The following WWP2 variants were observed in gnomAD, a reference collection of about 807,000 sequenced individuals.
The protein encoded by WWP2 is WW domain containing E3 ubiquitin protein ligase 2.
In WWP2, 57 loss-of-function variants were observed where a neutral mutation model predicts 121.0. That is an observed-to-expected ratio of 0.47 (90% CI 0.38 to 0.59). The LOEUF is 0.59. Ranked by LOEUF, WWP2 falls within the 20% of genes least tolerant of loss-of-function variation. The probability of loss-of-function intolerance (pLI) is 0.00; values close to 1 mark genes in which losing one functional copy is unlikely to be tolerated. For missense variants in WWP2, 962 were observed against 1,158.9 expected (o/e 0.83, Z 2.47); for synonymous variants, 449 against 441.3 (o/e 1.02, Z -0.22).
intron 8 of WWP2, among the ~76,000 whole-genome samples, chr16:69,888,595 G>C (rs944791094): frequency 1.3e-5 from 2 of 152,100 alleles, no homozygotes; most frequent in African/African-American, 4.8e-5. Flanking sequence ...TTTCTCTCTT[G>C]AATTTTATCG....
At chr16:69,912,915 CTACAA>C in intron 9 of WWP2, among the ~76,000 whole-genome samples, 1 of 18,422 alleles carries the variant, frequency 5.4e-5, no homozygotes. Flanking sequence ...GAACCAGTCT[CTACAA>C]AACAAAAAAA....
At position 69,784,889 on chromosome 16, in the gene WWP2, C is replaced by T. The variant is rs577720970; in HGVS notation, c.-15-2107C>T. On this transcript the variant is annotated intron_variant, in intron 1 of 23. Coordinates refer to ENST00000359154, the MANE Select transcript of WWP2 (RefSeq NM_001270454.2). ...AGTGAGCCCGACACTTCAAGGAAAA[C>T]AACACAGTATTTGTTACCAATGATA... 3.0e-3 allele frequency among the ~76,000 whole-genome samples: 461 copies of T among 151,418 alleles called. 4 individuals are homozygous for T. The highest frequency in any genetic ancestry group is 0.01 in the African/African-American group (423 of 41,290).
intron 6 of WWP2, among the ~76,000 whole-genome samples, chr16:69,861,467 A>G (rs536826938): frequency 1.4e-4 from 21 of 152,176 alleles, no homozygotes; most frequent in African/African-American, 5.1e-4. Context: ...GTCTTTCTGT[A>G]ATTTAGAATG....
chr16:69,915,799 T>G (rs2058471702), intron 9 of WWP2, among the ~76,000 whole-genome samples: 1 of 152,214 alleles, frequency 6.6e-6, no homozygotes, highest in African/African-American at 2.4e-5. Flanking sequence ...TTTGGGAGGC[T>G]GAGGCGAGAG....
At chr16:69,914,876 T>C (rs2058456540) in intron 9 of WWP2, among the ~76,000 whole-genome samples, 1 of 152,256 alleles carries the variant, frequency 6.6e-6, no homozygotes, top group South Asian at 2.1e-4. Flanking sequence ...AAAATTAACC[T>C]TGATACATCC....
At chr16:69,852,878 C>T (rs1017216281) in intron 6 of WWP2, among the ~76,000 whole-genome samples, 2 of 152,136 alleles carry the variant, frequency 1.3e-5, no homozygotes, top group African/African-American at 4.8e-5. Flanking sequence ...TTTCATGCTA[C>T]GATGGTATGT....
intron 8 of WWP2, among the ~76,000 whole-genome samples, chr16:69,896,906 A>G (rs766095910): frequency 6.6e-6 from 1 of 152,166 alleles, no homozygotes; most frequent in Non-Finnish European, 1.5e-5. Flanking sequence ...CTGGCACCAC[A>G]TATACAGATA....
chr16:69,783,138 T>C (rs939606282), intron 1 of WWP2: 16 of 151,568 alleles, frequency 1.1e-4, no homozygotes, highest in African/African-American at 3.9e-4. Flanking sequence ...AGCCTCCGGA[T>C]ACCTGGGATT....
At chr16:69,926,946 C>T (rs2058649201) in intron 11 of WWP2, among the ~76,000 whole-genome samples, 1 of 152,032 alleles carries the variant, frequency 6.6e-6, no homozygotes, top group African/African-American at 2.4e-5. Flanking sequence ...GGTGATGTAG[C>T]CCAGTCAAGT....
intron 10 of WWP2, among the ~76,000 whole-genome samples, chr16:69,919,561 C>T (rs953123435): frequency 2.0e-5 from 3 of 152,180 alleles, no homozygotes; most frequent in East Asian, 3.8e-4. Flanking sequence ...GGGAACCCTC[C>T]CAGTTCCACC....
At chr16:69,807,242 C>T (rs2056297925) in intron 4 of WWP2, among the ~76,000 whole-genome samples, 3 of 152,160 alleles carry the variant, frequency 2.0e-5, no homozygotes, top group Middle Eastern at 6.8e-3. Flanking sequence ...ACCATGTTGG[C>T]TGGGCTAATC....
chr16:69,808,817 A>G (rs2056332408), intron 4 of WWP2, among the ~76,000 whole-genome samples: 1 of 152,240 alleles, frequency 6.6e-6, no homozygotes, highest in Non-Finnish European at 1.5e-5. Context: ...GCCATCATGA[A>G]CAACGCTGAC....
chr16:69,803,902 C>T (rs982558399), intron 4 of WWP2, among the ~76,000 whole-genome samples: 3 of 151,588 alleles, frequency 2.0e-5, no homozygotes, highest in African/African-American at 7.3e-5. Flanking sequence ...AGCAAGACTC[C>T]GTCTCAAAAA....
chr16:69,841,795 G>A (rs149299936), intron 5 of WWP2, among the ~76,000 whole-genome samples: 2 of 152,274 alleles, frequency 1.3e-5, no homozygotes, highest in Non-Finnish European at 2.9e-5. Context: ...TCTTGGAGAA[G>A]AGAAGCTGTT....
intron 18 of WWP2, 38 bp downstream of exon 18, chr16:69,936,024 G>A (rs1300888911): frequency 2.5e-6 from 4 of 1,604,678 alleles, no homozygotes; most frequent in Non-Finnish European, 2.6e-6. Flanking sequence ...GCGCTGATAG[G>A]AGGGACGTCT....
At chr16:69,789,584 C>T (rs1315682731) in intron 2 of WWP2, among the ~76,000 whole-genome samples, 1 of 152,074 alleles carries the variant, frequency 6.6e-6, no homozygotes, top group African/African-American at 2.4e-5. Flanking sequence ...TGGAAAAAAC[C>T]AGTATTGTTT....
intron 1 of WWP2, among the ~76,000 whole-genome samples, chr16:69,769,285 C>G (rs1327824795): frequency 7.0e-6 from 1 of 143,372 alleles, no homozygotes; most frequent in African/African-American, 2.6e-5. Context: ...ACCACTCACT[C>G]CAGCCTGGGT....
At chr16:69,884,322 T>G (rs7198532) in intron 7 of WWP2, among the ~76,000 whole-genome samples, 2,704 of 152,252 alleles carry the variant, frequency 0.018, 73 homozygotes, top group African/African-American at 0.061. Context: ...GGGACAATTT[T>G]AGGATCAAAA....
intron 11 of WWP2, among the ~76,000 whole-genome samples, chr16:69,927,637 G>T (rs890532521): frequency 2.6e-5 from 4 of 152,232 alleles, no homozygotes; most frequent in Admixed American, 6.5e-5. Flanking sequence ...CCTGTGGTTA[G>T]CCTTGGCTTT....
Sources: gnomAD v4.1 joint callset for allele counts (sites outside exome capture counted in the v4.1 genomes callset) on GRCh38, gnomAD v4.1.1 for gene constraint, MANE v1.5 for transcripts, NCBI Gene and HGNC (gene_info 2026-07-23, HGNC 2026-07-21) for gene names.